CHIC1: variants seen among roughly 807,000 people sequenced by gnomAD.
CHIC1 encodes cysteine-rich hydrophobic domain-containing protein 1.
A neutral mutation model predicts 18.5 loss-of-function variants in CHIC1; 7 were observed. That is an observed-to-expected ratio of 0.38 (90% CI 0.22 to 0.71). The LOEUF (loss-of-function observed/expected upper bound fraction) is 0.71. Ranked by LOEUF, CHIC1 falls within the 30% of genes least tolerant of loss-of-function variation. CHIC1 has a pLI of 0.49. For missense variants in CHIC1, 159 were observed against 176.9 expected (o/e 0.90, Z 0.57); for synonymous variants, 77 against 73.5 (o/e 1.05, Z -0.25).
In CHIC1 at chrX:73,682,156, A is replaced by C. The variant is rs2058101825; in HGVS notation, c.*1151A>C. On this transcript the variant is annotated 3_prime_UTR_variant, in exon 6 of 6. Transcript: ENST00000373502. ...TAGCAGCTGATTCATAATTGAAAAA[A>C]AATTCTCAATTCTGTTTTTGATGAT... is the stretch of plus-strand genomic sequence containing the variant. 8.9e-6 allele frequency: 1 copy of C among 111,766 alleles called. No individual in the cohort carries two copies. Among genetic ancestry groups the C allele is most frequent in the Non-Finnish European group, 1.9e-5 (1 of 52,848 alleles). The allele number at this position is 111,766 out of a possible 1,213,427, so 9.2% of individuals were successfully genotyped here.
chrX:73,594,139 T>G (rs1441666592), intron 3 of CHIC1, among the ~76,000 whole-genome samples: 1 of 101,033 alleles, frequency 9.9e-6, no homozygotes, highest in African/African-American at 3.8e-5. Flanking sequence ...TACAGGTGCT[T>G]TCCTTTGTTT....
chrX:73,681,037 G>A lies in CHIC1; in HGVS notation c.*32G>A, dbSNP rs1307368278. On this transcript the variant is annotated 3_prime_UTR_variant, in exon 6 of 6. Coordinates refer to ENST00000373502, the MANE Select transcript of CHIC1 (RefSeq NM_001039840.4). ...TTATCCAGTCACTTCTGTGTTACCT[G>A]TCATTTCCTACCCTTAGTGCCTTGT... 1 of 939,718 alleles carries A rather than the reference G, an allele frequency of 1.1e-6. No individual in the cohort carries two copies. The highest frequency in any genetic ancestry group is 1.5e-6 in the Non-Finnish European group (1 of 675,140). The allele number at this position is 939,718 out of a possible 1,213,427, so 77.4% of individuals were successfully genotyped here.
rs559797403 is a variant in CHIC1 at position 73,618,150 on chromosome X, C to A, written c.507+33578C>A. On this transcript the variant is annotated intron_variant, in intron 3 of 5. Coordinates refer to ENST00000373502, the MANE Select transcript of CHIC1 (RefSeq NM_001039840.4). ...GTGAACTGTCTTCAGGTCTCTCCGC[C>A]ATGGATAGCCATACCTACTATGATG... 5.8e-4 allele frequency among the ~76,000 whole-genome samples: 65 copies of A among 111,616 alleles called. No homozygotes were observed. In the South Asian group the frequency reaches 0.023, roughly 40 times the overall value.
chrX:73,609,684 T>A (rs1374181542), intron 3 of CHIC1, among the ~76,000 whole-genome samples: 1 of 110,167 alleles, frequency 9.1e-6, no homozygotes, highest in Non-Finnish European at 1.9e-5. Context: ...TAATTGATAC[T>A]TAGTATTTCT....
intron 3 of CHIC1, among the ~76,000 whole-genome samples, chrX:73,618,006 GGTATGTGGCTTCC>G (rs2057740839): frequency 1.8e-5 from 2 of 111,085 alleles, no homozygotes; most frequent in Non-Finnish European, 3.8e-5. Flanking sequence ...CCTTTTCCTA[GGTATGTGGCTTCC>G]TTAGAGCTGA....
At chrX:73,651,725 A>C (rs2147609513) in intron 3 of CHIC1, among the ~76,000 whole-genome samples, 1 of 111,467 alleles carries the variant, frequency 9.0e-6, no homozygotes, top group East Asian at 2.8e-4. Flanking sequence ...ACCACTGCTC[A>C]AGGAAATAAG....
chrX:73,607,831 C>T (rs2057690226), intron 3 of CHIC1, among the ~76,000 whole-genome samples: 2 of 107,856 alleles, frequency 1.9e-5, no homozygotes, highest in South Asian at 8.0e-4. Context: ...ACTGTCTAAC[C>T]AGTCCAGTGA....
chrX:73,642,687 A>G (rs1290286319), intron 3 of CHIC1, among the ~76,000 whole-genome samples: 4 of 110,764 alleles, frequency 3.6e-5, no homozygotes, highest in Non-Finnish European at 7.6e-5. Flanking sequence ...ATCTTGAATT[A>G]ATTTTTGTAT....
intron 3 of CHIC1, among the ~76,000 whole-genome samples, chrX:73,675,234 A>C (rs1396728722): frequency 9.0e-6 from 1 of 111,509 alleles, no homozygotes. Context: ...AATTCTATAG[A>C]TATCTATTAG....
At chrX:73,636,520 A>C (rs1445312108) in intron 3 of CHIC1, among the ~76,000 whole-genome samples, 1 of 111,920 alleles carries the variant, frequency 8.9e-6, no homozygotes, top group Non-Finnish European at 1.9e-5. Flanking sequence ...TACATTTAAA[A>C]AAATATGGTA....
intron 3 of CHIC1, 91 bp from the exon 4 acceptor site, chrX:73,679,235 G>C (rs1249118105): frequency 7.4e-6 from 4 of 539,203 alleles, no homozygotes; most frequent in Non-Finnish European, 1.3e-5. Context: ...ATAGTAATGG[G>C]ATGTTACAAG....
In CHIC1 at chrX:73,603,349, T is replaced by G. The variant is rs1280685434; in HGVS notation, c.507+18777T>G. Among the ~76,000 whole-genome samples the G allele has an allele frequency of 3.7e-5, 4 of 108,638 alleles. No individual in the cohort carries two copies. In the East Asian group the frequency reaches 1.1e-3, roughly 31 times the overall value. 94.3% of individuals were successfully genotyped at this position (108,638 alleles called of 115,157 possible). On this transcript the variant is annotated intron_variant, in intron 3 of 5. Transcript: ENST00000373502. ...TGCTTGTGATTTTTGCACATTGATT[T>G]CGTATCCTGAGACCTTGCTGAAGTT... is the stretch of plus-strand genomic sequence containing the variant.
At chrX:73,606,587 C>G (rs2057684642) in intron 3 of CHIC1, among the ~76,000 whole-genome samples, 1 of 107,973 alleles carries the variant, frequency 9.3e-6, no homozygotes. Flanking sequence ...AATTTTCAGC[C>G]TTTTTGCACT....
At chrX:73,641,474 T>C (rs2057855775) in intron 3 of CHIC1, among the ~76,000 whole-genome samples, 1 of 111,065 alleles carries the variant, frequency 9.0e-6, no homozygotes, top group East Asian at 2.8e-4. Context: ...CTTTTACTGG[T>C]AACCACCGTT....
rs763490491 is a variant in CHIC1 at position 73,647,714 on chromosome X, C to T, written c.508-31612C>T. ...GGGCTCAGGGACAGAACTCTGATCT[C>T]CCTGGGCCTGAGCCCCTAGGGGAAG... On this transcript the variant is annotated intron_variant, in intron 3 of 5. Coordinates refer to ENST00000373502, the MANE Select transcript of CHIC1 (RefSeq NM_001039840.4). 2.7e-5 allele frequency among the ~76,000 whole-genome samples: 3 copies of T among 112,326 alleles called. No individual in the cohort carries two copies. In the South Asian group the frequency reaches 1.1e-3, roughly 42 times the overall value.
chrX:73,631,067 T>G (rs747548304), intron 3 of CHIC1, among the ~76,000 whole-genome samples: 1 of 111,860 alleles, frequency 8.9e-6, no homozygotes, highest in South Asian at 3.7e-4. Flanking sequence ...TCTGACCTAT[T>G]GTATTTCTCT....
chrX:73,586,611 G>A (rs994188334), intron 3 of CHIC1, among the ~76,000 whole-genome samples: 3 of 111,781 alleles, frequency 2.7e-5, no homozygotes, highest in African/African-American at 9.7e-5. Flanking sequence ...CATTCATATA[G>A]TTCAAATCCC....
intron 3 of CHIC1, among the ~76,000 whole-genome samples, chrX:73,676,851 G>A (rs770192171): frequency 1.9e-4 from 21 of 111,063 alleles, no homozygotes; most frequent in Non-Finnish European, 2.8e-4. Context: ...TTTTTTTCCC[G>A]TCTTTGTGGT....
chrX:73,594,968 T>G lies in CHIC1; in HGVS notation c.507+10396T>G, dbSNP rs1002117113. Among the ~76,000 whole-genome samples the G allele has an allele frequency of 3.6e-5, 4 of 112,040 alleles. No homozygotes were observed. In the East Asian group the frequency reaches 1.1e-3, roughly 32 times the overall value. ...TGGCTTAATAGCATTCTATTTTGTG[T>G]AAATATCATAGTTTTGTCTATCCAC... On this transcript the variant is annotated intron_variant, in intron 3 of 5. Transcript: ENST00000373502.
Sources: allele counts gnomAD v4.1 joint callset (sites outside exome capture counted in the v4.1 genomes callset), GRCh38; gene constraint gnomAD v4.1.1; transcripts MANE v1.5; gene names NCBI Gene and HGNC (gene_info 2026-07-23, HGNC 2026-07-21).